The following SPOCK1 variants were observed in gnomAD, a reference collection of about 807,000 sequenced individuals.
The protein encoded by SPOCK1 is testican-1.
A neutral mutation model predicts 55.3 loss-of-function variants in SPOCK1; 23 were observed. The observed-to-expected ratio is 0.42, with a 90% CI of 0.30 to 0.59. The LOEUF is 0.59. Ranked by LOEUF, SPOCK1 falls within the 20% of genes least tolerant of loss-of-function variation. The pLI, the probability that SPOCK1 is intolerant of heterozygous loss-of-function variation, is 0.22. For synonymous variants in SPOCK1, 226 were observed against 221.0 expected, an observed-to-expected ratio of 1.02 and a Z score of -0.20; for missense variants, 499 against 552.5, an observed-to-expected ratio of 0.90 and a Z score of 0.97.
intron 2 of SPOCK1, among the ~76,000 whole-genome samples, chr5:137,359,462 T>C (rs1750892508): frequency 6.6e-6 from 1 of 152,222 alleles, no homozygotes; most frequent in African/African-American, 2.4e-5. Flanking sequence ...TTAGCTATTA[T>C]ATCAATAAAA....
intron 2 of SPOCK1, among the ~76,000 whole-genome samples, chr5:137,479,065 G>T (rs550503660): frequency 6.6e-6 from 1 of 151,618 alleles, no homozygotes; most frequent in African/African-American, 2.4e-5. Flanking sequence ...TTTTCCCACC[G>T]AGGTGTGTTC....
At chr5:137,380,806 C>G (rs1751446400) in intron 2 of SPOCK1, among the ~76,000 whole-genome samples, 1 of 152,148 alleles carries the variant, frequency 6.6e-6, no homozygotes, top group Non-Finnish European at 1.5e-5. Context: ...CATATTATTC[C>G]ATCCCTGGCC....
intron 2 of SPOCK1, among the ~76,000 whole-genome samples, chr5:137,427,927 A>G (rs1017085127): frequency 6.6e-6 from 1 of 150,454 alleles, no homozygotes; most frequent in African/African-American, 2.4e-5. Flanking sequence ...AAAAAAAAAA[A>G]GGCAGAAACT....
chr5:137,301,841 A>G (rs1757597495), intron 2 of SPOCK1, among the ~76,000 whole-genome samples: 1 of 152,082 alleles, frequency 6.6e-6, no homozygotes, highest in South Asian at 2.1e-4. Context: ...ACAACTCCAG[A>G]TACACAAATT....
chr5:137,119,846 C>T (rs1753654271), intron 4 of SPOCK1, among the ~76,000 whole-genome samples: 1 of 152,212 alleles, frequency 6.6e-6, no homozygotes, highest in Admixed American at 6.5e-5. Context: ...TACTACTACC[C>T]ATAATAGCTC....
chr5:137,471,031 G>T (rs1753728945), intron 2 of SPOCK1, among the ~76,000 whole-genome samples: 1 of 152,190 alleles, frequency 6.6e-6, no homozygotes, highest in Admixed American at 6.5e-5. Flanking sequence ...ATTGTAATAT[G>T]AGTTAACGGT....
At chr5:137,261,967 G>T (rs1184399540) in intron 3 of SPOCK1, among the ~76,000 whole-genome samples, 4 of 152,192 alleles carry the variant, frequency 2.6e-5, no homozygotes, top group Non-Finnish European at 4.4e-5. Flanking sequence ...TTATTCTAAA[G>T]TAGTATAGTG....
chr5:137,131,989 A>AAAAAAAAAAAAAAT (rs1391176339), intron 4 of SPOCK1, among the ~76,000 whole-genome samples: 2 of 36,070 alleles, frequency 5.5e-5, no homozygotes, highest in African/African-American at 3.7e-4. Flanking sequence ...AAAAAAAAAA[A>AAAAAAAAAAAAAAT]ATATATATAT....
chr5:137,488,970 G>C (rs1754119027), intron 2 of SPOCK1, among the ~76,000 whole-genome samples: 1 of 152,064 alleles, frequency 6.6e-6, no homozygotes, highest in African/African-American at 2.4e-5. Context: ...GGGTCTCTGG[G>C]GGGTATATTT....
chr5:137,471,278 A>C (rs529157501), intron 2 of SPOCK1, among the ~76,000 whole-genome samples: 1 of 152,204 alleles, frequency 6.6e-6, no homozygotes, highest in Admixed American at 6.5e-5. Context: ...TGCCCTCCCC[A>C]CCAAATCATA....
At chr5:137,262,030 G>C (rs1037928890) in intron 3 of SPOCK1, among the ~76,000 whole-genome samples, 16 of 152,166 alleles carry the variant, frequency 1.1e-4, no homozygotes, top group African/African-American at 3.6e-4. Context: ...AAATCCTTTT[G>C]TTCAGCAAAA....
intron 4 of SPOCK1, among the ~76,000 whole-genome samples, chr5:137,115,743 A>G (rs900583233): frequency 3.9e-5 from 6 of 152,200 alleles, no homozygotes; most frequent in Admixed American, 6.5e-5. Flanking sequence ...TGGAGATAGC[A>G]CATGATTCTG....
chr5:137,024,180 G>A (rs1261563645), intron 6 of SPOCK1, among the ~76,000 whole-genome samples: 1 of 152,034 alleles, frequency 6.6e-6, no homozygotes, highest in African/African-American at 2.4e-5. Context: ...CAGCAGCACA[G>A]GTACTGCTAC....
chr5:137,241,755 G>A (rs1289926433), intron 3 of SPOCK1, among the ~76,000 whole-genome samples: 7 of 152,060 alleles, frequency 4.6e-5, no homozygotes, highest in Admixed American at 2.0e-4. Context: ...ATAGAACCAT[G>A]AGCCAATAAA....
At chr5:137,297,885 A>G (rs1757518678) in intron 2 of SPOCK1, among the ~76,000 whole-genome samples, 2 of 152,162 alleles carry the variant, frequency 1.3e-5, no homozygotes, top group Non-Finnish European at 2.9e-5. Context: ...GAATGGACAT[A>G]TTTTCATCAG....
chr5:137,206,191 G>T (rs1284482751), intron 3 of SPOCK1, among the ~76,000 whole-genome samples: 1 of 152,212 alleles, frequency 6.6e-6, no homozygotes, highest in Non-Finnish European at 1.5e-5. Context: ...TGGATTCCAA[G>T]AAGCCAATAA....
intron 6 of SPOCK1, among the ~76,000 whole-genome samples, chr5:137,027,818 G>A (rs1580714474): frequency 6.6e-6 from 1 of 152,070 alleles, no homozygotes; most frequent in Non-Finnish European, 1.5e-5. Context: ...TTGCACAAAA[G>A]CAGGCAGGAA....
At chr5:137,097,780 T>C (rs9918139) in intron 5 of SPOCK1, among the ~76,000 whole-genome samples, 6,877 of 152,128 alleles carry the variant, frequency 0.045, 517 homozygotes, top group African/African-American at 0.16. Context: ...CAAATACCAC[T>C]GCATCTGCCA....
intron 4 of SPOCK1, among the ~76,000 whole-genome samples, chr5:137,124,471 G>A (rs1753743570): frequency 6.6e-6 from 1 of 152,190 alleles, no homozygotes. Context: ...TGTGGACCAA[G>A]GGGAGAGGAA....
Sources: allele counts gnomAD v4.1 joint callset (sites outside exome capture counted in the v4.1 genomes callset), GRCh38; gene constraint gnomAD v4.1.1; transcripts MANE v1.5; gene names NCBI Gene and HGNC (gene_info 2026-07-23, HGNC 2026-07-21).